HSD17B2: variants seen among roughly 807,000 people sequenced by gnomAD.
The protein encoded by HSD17B2 is hydroxysteroid 17-beta dehydrogenase 2.
A neutral mutation model predicts 26.9 loss-of-function variants in HSD17B2; 32 were observed. That is an observed-to-expected ratio of 1.19 (90% CI 0.90 to 1.60). The LOEUF (loss-of-function observed/expected upper bound fraction) is 1.60. HSD17B2 is among the 40% of genes most tolerant of loss of function. HSD17B2 has a pLI of 0.00. For synonymous variants in HSD17B2, 246 were observed against 186.7 expected (o/e 1.32, Z -2.59); for missense variants, 613 against 468.6 (o/e 1.31, Z -2.85).
At chr16:82,070,737 G>A (rs1914678573) in intron 2 of HSD17B2, 2 of 584,900 alleles carry the variant, frequency 3.4e-6, no homozygotes, top group Non-Finnish European at 6.1e-6. Flanking sequence ...TTACATCTCT[G>A]CACATCTAGC....
intron 3 of HSD17B2, among the ~76,000 whole-genome samples, chr16:82,086,016 T>G (rs149278827): frequency 1.1e-3 from 163 of 152,244 alleles, no homozygotes; most frequent in South Asian, 1.9e-3. Context: ...AACCCTCTTA[T>G]ACTACTGGTA....
intron 1 of HSD17B2, among the ~76,000 whole-genome samples, chr16:82,040,737 G>T (rs1913743646): frequency 6.6e-6 from 1 of 152,232 alleles, no homozygotes; most frequent in Non-Finnish European, 1.5e-5. Flanking sequence ...AGGGATGTTT[G>T]CAGAGGGTGA....
intron 2 of HSD17B2, 148 bp downstream of exon 2, chr16:82,068,530 G>A (rs1914626283): frequency 4.6e-6 from 3 of 653,588 alleles, no homozygotes; most frequent in Admixed American, 2.9e-5. Flanking sequence ...ATGTGTGGGG[G>A]CCTCTATCAA....
chr16:82,071,258 T>C (rs760723565), intron 3 of HSD17B2, 131 bp downstream of exon 3: 6 of 827,000 alleles, frequency 7.3e-6, no homozygotes, highest in Non-Finnish European at 1.3e-5. Context: ...AAATTGTATA[T>C]ACCCTGTTGG....
intron 3 of HSD17B2, chr16:82,071,778 G>A (rs1202865789): frequency 6.2e-6 from 1 of 160,928 alleles, no homozygotes; most frequent in African/African-American, 2.4e-5. Context: ...TTCAAACTGG[G>A]GTTCCTTGGG....
rs180930428 is a variant in HSD17B2 at position 82,082,395 on chromosome 16, T to C, written c.665-8507T>C. Among the ~76,000 whole-genome samples, 489 of 152,292 alleles carry C rather than the reference T, an allele frequency of 3.2e-3. 5 individuals are homozygous for C. Among genetic ancestry groups the C allele is most frequent in the African/African-American group, 0.011 (474 of 41,560 alleles). ...AAATGTCCTCTTCAATAGGTTTCTT[T>C]GCAGCTTTTTGAATATGCATATGAA... is the stretch of plus-strand genomic sequence containing the variant. On this transcript the variant is annotated intron_variant, in intron 3 of 4. Coordinates refer to ENST00000199936, the MANE Select transcript of HSD17B2 (RefSeq NM_002153.3).
At chr16:82,055,113 C>A (rs541095067) in intron 1 of HSD17B2, among the ~76,000 whole-genome samples, 2 of 152,206 alleles carry the variant, frequency 1.3e-5, no homozygotes, top group Admixed American at 6.5e-5. Context: ...TGGGGGGGAA[C>A]TGAAAATCAC....
At chr16:82,042,690 C>T (rs1327549107) in intron 1 of HSD17B2, among the ~76,000 whole-genome samples, 2 of 151,990 alleles carry the variant, frequency 1.3e-5, no homozygotes, top group African/African-American at 4.8e-5. Context: ...GGCACGATCT[C>T]GGCTCACTGC....
At chr16:82,040,011 A>C (rs1271528781) in intron 1 of HSD17B2, among the ~76,000 whole-genome samples, 1 of 152,240 alleles carries the variant, frequency 6.6e-6, no homozygotes, top group Non-Finnish European at 1.5e-5. Flanking sequence ...GAAAGTGAGA[A>C]GGTATTCCAG....
chr16:82,087,342 C>A (rs998173144), intron 3 of HSD17B2, among the ~76,000 whole-genome samples: 5 of 152,192 alleles, frequency 3.3e-5, no homozygotes, highest in African/African-American at 9.7e-5. Context: ...GAGGCTGTAA[C>A]TGGACAGACA....
At chr16:82,060,815 T>A (rs952376118) in intron 1 of HSD17B2, among the ~76,000 whole-genome samples, 1 of 152,120 alleles carries the variant, frequency 6.6e-6, no homozygotes, top group African/African-American at 2.4e-5. Context: ...CAAGGACGCA[T>A]AAAGCAGAGC....
At chr16:82,090,314 T>TG (rs1904650871) in intron 3 of HSD17B2, 2 of 300,806 alleles carry the variant, frequency 6.6e-6, no homozygotes, top group African/African-American at 6.0e-5. Context: ...TTTTTTTTTT[T>TG]TTTTTTTTTT....
At chr16:82,052,593 C>G (rs1376058361) in intron 1 of HSD17B2, 1 of 152,266 alleles carries the variant, frequency 6.6e-6, no homozygotes, top group Non-Finnish European at 1.5e-5. Flanking sequence ...TTCCCTTGAA[C>G]TAGCTTTTCC....
chr16:82,086,587 G>A (rs6564962), intron 3 of HSD17B2, among the ~76,000 whole-genome samples: 83,526 of 151,982 alleles, frequency 0.55, 23,213 homozygotes, highest in Middle Eastern at 0.67. Context: ...AGAGGCATTC[G>A]GGGGAATATG....
chr16:82,060,387 C>A (rs1288819688), intron 1 of HSD17B2, among the ~76,000 whole-genome samples: 3 of 152,162 alleles, frequency 2.0e-5, no homozygotes, highest in African/African-American at 7.2e-5. Context: ...TGTGTGAGAG[C>A]TCTTGATCAG....
chr16:82,062,888 A>G (rs1383612450), intron 1 of HSD17B2, among the ~76,000 whole-genome samples: 1 of 152,200 alleles, frequency 6.6e-6, no homozygotes, highest in East Asian at 1.9e-4. Flanking sequence ...GACTTTTTCA[A>G]GGCCCTCTGA....
intron 1 of HSD17B2, among the ~76,000 whole-genome samples, chr16:82,041,770 C>G (rs1913772135): frequency 6.6e-6 from 1 of 152,152 alleles, no homozygotes; most frequent in Non-Finnish European, 1.5e-5. Flanking sequence ...TTTACTCCAC[C>G]TTCTTATATG....
At chr16:82,038,847 G>A (rs867792910) in intron 1 of HSD17B2, among the ~76,000 whole-genome samples, 1 of 152,212 alleles carries the variant, frequency 6.6e-6, no homozygotes, top group African/African-American at 2.4e-5. Context: ...ACCCTGGGCG[G>A]ACGTGGGGTG....
rs572769305 is a variant in HSD17B2 at position 82,065,364 on chromosome 16, C to T, written c.266-2806C>T. Among the ~76,000 whole-genome samples, 10 of 152,252 alleles carry T rather than the reference C, an allele frequency of 6.6e-5. No homozygotes were observed. The South Asian group carries it at 1.7e-3, about 25-fold the overall frequency. On this transcript the variant is annotated intron_variant, in intron 1 of 4. Transcript: ENST00000199936. Reference sequence around the variant, plus strand: ...TGACTGTTTATGTGCTCCGTAGAGTCAAGGTCATGGTGTTTGTCTCTGCAC... The same window carrying T: ...TGACTGTTTATGTGCTCCGTAGAGTTAAGGTCATGGTGTTTGTCTCTGCAC...
Sources: gnomAD v4.1 joint callset for allele counts (sites outside exome capture counted in the v4.1 genomes callset) on GRCh38, gnomAD v4.1.1 for gene constraint, MANE v1.5 for transcripts, NCBI Gene and HGNC (gene_info 2026-07-23, HGNC 2026-07-21) for gene names.